Variants in SEMA3A observed in about 807,000 individuals in gnomAD.
SEMA3A encodes the protein semaphorin-3A.
SEMA3A carries 29 observed loss-of-function variants against 97.9 expected under a neutral mutation model. The ratio of observed to expected loss-of-function variants is 0.30; its 90% CI spans 0.22 to 0.40. SEMA3A has a LOEUF of 0.40. Ranked by LOEUF, SEMA3A falls within the 10% of genes least tolerant of loss-of-function variation. The pLI is 1.00. For missense variants in SEMA3A, 763 were observed against 951.3 expected (o/e 0.80, Z 2.60); for synonymous variants, 321 against 323.7 (o/e 0.99, Z 0.09).
chr7:84,132,965 G>A (rs1307225726), intron 2 of SEMA3A, among the ~76,000 whole-genome samples: 2 of 151,960 alleles, frequency 1.3e-5, no homozygotes, highest in African/African-American at 4.8e-5. Context: ...ATGAGCCACC[G>A]CACCAGACCT....
intron 5 of SEMA3A, among the ~76,000 whole-genome samples, chr7:84,054,335 C>T (rs1362169510): frequency 6.6e-6 from 1 of 152,200 alleles, no homozygotes; most frequent in Non-Finnish European, 1.5e-5. Context: ...TTCTCCCCGT[C>T]ACTTTCAGGT....
intron 1 of SEMA3A, among the ~76,000 whole-genome samples, chr7:84,454,819 CA>C (rs1480861017): frequency 7.2e-5 from 11 of 152,000 alleles, no homozygotes; most frequent in African/African-American, 2.6e-4. Flanking sequence ...TTACAACTGT[CA>C]AAGTACATTA....
chr7:84,088,072 G>A (rs1327169919), intron 4 of SEMA3A, among the ~76,000 whole-genome samples: 1 of 152,088 alleles, frequency 6.6e-6, no homozygotes, highest in Non-Finnish European at 1.5e-5. Flanking sequence ...CCCCAAATAT[G>A]TAGTTCTGAG....
At position 84,433,616 on chromosome 7, in the gene SEMA3A, T is replaced by C. The variant is rs541261888; in HGVS notation, c.-246+58844A>G. Among the ~76,000 whole-genome samples the C allele has an allele frequency of 1.9e-3, 286 of 152,266 alleles. 1 individual carries two copies. The highest frequency in any genetic ancestry group is 6.8e-3 in the Middle Eastern group (2 of 294). On this transcript the variant is annotated intron_variant, in intron 1 of 3. Transcript: ENST00000424555. ...CCAGTAATGGTATTGCTGGGTCAAA[T>C]GGTATTTCTAGTTCTAGATCCTTGA...
intron 3 of SEMA3A, among the ~76,000 whole-genome samples, chr7:84,304,771 T>C (rs1472735778): frequency 2.0e-5 from 3 of 152,020 alleles, no homozygotes; most frequent in Non-Finnish European, 4.4e-5. Context: ...TCAATGACCA[T>C]ATAAAAATAA....
chr7:84,039,789 A>C (rs766221357), intron 6 of SEMA3A, among the ~76,000 whole-genome samples: 2 of 152,146 alleles, frequency 1.3e-5, no homozygotes, highest in African/African-American at 4.8e-5. Flanking sequence ...CATAATCAAT[A>C]ACTTTATTAA....
chr7:84,068,669 T>C (rs1474618800), intron 4 of SEMA3A, among the ~76,000 whole-genome samples: 1 of 152,118 alleles, frequency 6.6e-6, no homozygotes, highest in African/African-American at 2.4e-5. Context: ...ACAGACGTGC[T>C]ATCTCCTCAA....
intron 3 of SEMA3A, among the ~76,000 whole-genome samples, chr7:84,225,314 G>A (rs556638425): frequency 6.6e-6 from 1 of 152,204 alleles, no homozygotes; most frequent in African/African-American, 2.4e-5. Context: ...TGCACACATT[G>A]TGCTTGACCT....
intron 16 of SEMA3A, among the ~76,000 whole-genome samples, chr7:83,962,598 C>T (rs1788515406): frequency 6.6e-6 from 1 of 152,074 alleles, no homozygotes; most frequent in African/African-American, 2.4e-5. Context: ...TTATTTAAGG[C>T]TGTTAAAAAG....
chr7:84,105,361 T>C lies in SEMA3A; in HGVS notation c.453+5109A>G, dbSNP rs922613110. The stretch of plus-strand genomic sequence containing the variant: ...GGGGCACTGTTACTAAGAGGATTGA[T>C]TCAAAGTTTTGCATCAGAGCACACT... On this transcript the variant is annotated intron_variant, in intron 4 of 16. Coordinates refer to ENST00000265362, the MANE Select transcript of SEMA3A (RefSeq NM_006080.3). 5.3e-5 allele frequency among the ~76,000 whole-genome samples: 8 copies of C among 152,278 alleles called. No homozygotes were observed. In the East Asian group the frequency reaches 1.4e-3, roughly 26 times the overall value.
chr7:84,026,841 C>T (rs1033601655), intron 6 of SEMA3A, among the ~76,000 whole-genome samples: 4 of 151,990 alleles, frequency 2.6e-5, no homozygotes, highest in Non-Finnish European at 5.9e-5. Flanking sequence ...CTGGACTCTA[C>T]TTGAGGGTGG....
At chr7:84,414,825 G>T (rs1490668215) in intron 1 of SEMA3A, among the ~76,000 whole-genome samples, 1 of 151,920 alleles carries the variant, frequency 6.6e-6, no homozygotes, top group Non-Finnish European at 1.5e-5. Flanking sequence ...TTTGAATCCT[G>T]GATCAAAATA....
At chr7:84,353,052 A>G (rs1562915682) in intron 2 of SEMA3A, among the ~76,000 whole-genome samples, 5 of 151,862 alleles carry the variant, frequency 3.3e-5, no homozygotes. Flanking sequence ...ATAAAATGGC[A>G]TAACATTTGC....
In SEMA3A at chr7:84,121,773, G is replaced by A. The variant is rs1174535788; in HGVS notation, c.333+7350C>T. 7.1e-5 allele frequency among the ~76,000 whole-genome samples: 3 copies of A among 42,402 alleles called. 1 individual carries two copies. Among genetic ancestry groups the A allele is most frequent in the African/African-American group, 2.8e-4 (3 of 10,812 alleles). The allele number at this position is 42,402 out of a possible 152,430, so 27.8% of individuals were successfully genotyped here. A position where few individuals can be genotyped will look rare whatever the true frequency, so the allele number is the denominator to read the frequency against. On this transcript the variant is annotated intron_variant, in intron 3 of 16. Coordinates refer to ENST00000265362, the MANE Select transcript of SEMA3A (RefSeq NM_006080.3). ...CCTGCCTCAGCCTCCCAAGTAGCTG[G>A]GACTACAGGCGCCCGCCACTACGCC... is the stretch of plus-strand genomic sequence containing the variant.
intron 1 of SEMA3A, among the ~76,000 whole-genome samples, chr7:84,416,594 G>A (rs13240778): frequency 0.11 from 16,997 of 152,128 alleles, 1,194 homozygotes; most frequent in East Asian, 0.28. Flanking sequence ...ATAAAATGCA[G>A]TTGTATTCAC....
chr7:84,100,163 A>T (rs1794915327), intron 4 of SEMA3A, among the ~76,000 whole-genome samples: 1 of 152,174 alleles, frequency 6.6e-6, no homozygotes, highest in Non-Finnish European at 1.5e-5. Flanking sequence ...CAGTTAGAAT[A>T]AGATGGCCTT....
At chr7:84,142,757 G>A (rs529114492) in intron 1 of SEMA3A, among the ~76,000 whole-genome samples, 7 of 152,200 alleles carry the variant, frequency 4.6e-5, no homozygotes, top group African/African-American at 1.7e-4. Flanking sequence ...ATTTTGACAA[G>A]TCTCAAATAT....
At chr7:84,406,891 G>A (rs1161814251) in intron 1 of SEMA3A, among the ~76,000 whole-genome samples, 1 of 152,092 alleles carries the variant, frequency 6.6e-6, no homozygotes, top group Non-Finnish European at 1.5e-5. Context: ...GGTATTGATG[G>A]GACGTATCTC....
chr7:84,381,884 T>C (rs1262994958), intron 1 of SEMA3A, among the ~76,000 whole-genome samples: 2 of 152,144 alleles, frequency 1.3e-5, no homozygotes, highest in African/African-American at 4.8e-5. Flanking sequence ...AAGTAATTCA[T>C]CAAGAATAAG....
Sources: gnomAD v4.1 joint callset for allele counts (sites outside exome capture counted in the v4.1 genomes callset) on GRCh38, gnomAD v4.1.1 for gene constraint, MANE v1.5 for transcripts, NCBI Gene and HGNC (gene_info 2026-07-23, HGNC 2026-07-21) for gene names.